SEC22B: variants seen among roughly 807,000 people sequenced by gnomAD.
The protein encoded by SEC22B is SEC22 homolog B, vesicle trafficking protein.
A neutral mutation model predicts 31.4 loss-of-function variants in SEC22B; 10 were observed. That is an observed-to-expected ratio of 0.32 (90% confidence interval 0.20 to 0.54). The LOEUF (loss-of-function observed/expected upper bound fraction) is 0.54, where lower values mean the gene tolerates loss of function less well. Ranked by LOEUF, SEC22B falls within the 20% of genes least tolerant of loss-of-function variation. The pLI, the probability that SEC22B is intolerant of heterozygous loss-of-function variation, is 0.94. For missense variants in SEC22B, 130 were observed against 263.4 expected (o/e 0.49, Z 3.50); for synonymous variants, 60 against 95.9 (o/e 0.63, Z 2.19).
intron 2 of SEC22B, 72 bp from the exon 3 acceptor site, chr1:120,163,442 C>T: frequency 9.7e-7 from 1 of 1,035,526 alleles, no homozygotes; most frequent in Non-Finnish European, 1.3e-6. Flanking sequence ...AAAGCAGAAT[C>T]TCTGTACCAT....
intron 1 of SEC22B, 28 bp downstream of exon 1, chr1:120,176,279 G>T: frequency 6.2e-7 from 1 of 1,600,834 alleles, no homozygotes; most frequent in South Asian, 1.1e-5. Context: ...AGAGACTTGG[G>T]GTCGCGGGTC....
chr1:120,160,027 G>A (rs1657687479), intron 4 of SEC22B, among the ~76,000 whole-genome samples: 1 of 143,940 alleles, frequency 6.9e-6, no homozygotes, highest in African/African-American at 2.8e-5. Context: ...TGATCTGGCA[G>A]CAGTAAAGTC....
intron 3 of SEC22B, among the ~76,000 whole-genome samples, chr1:120,162,017 G>T (rs1657726737): frequency 7.1e-6 from 1 of 140,602 alleles, no homozygotes; most frequent in Admixed American, 6.8e-5. Context: ...GTGATGTCCG[G>T]GTATTTATTC....
chr1:120,161,105 T>A (rs1317509948), intron 3 of SEC22B, among the ~76,000 whole-genome samples: 11 of 152,136 alleles, frequency 7.2e-5, no homozygotes, highest in Non-Finnish European at 1.3e-4. Context: ...GCTATCAGAA[T>A]CCTTAGAGAA....
At chr1:120,170,865 C>G (rs1213850393) in intron 1 of SEC22B, among the ~76,000 whole-genome samples, 1 of 142,730 alleles carries the variant, frequency 7.0e-6, no homozygotes, top group Non-Finnish European at 1.5e-5. Flanking sequence ...TGGTACTTAC[C>G]AATCTTTTTG....
At position 120,150,929 on chromosome 1, in the gene SEC22B, A is replaced by G. The variant is rs1553228613; in HGVS notation, c.*6109T>C. 6.6e-6 allele frequency: 1 copy of G among 152,228 alleles called. No individual in the cohort carries two copies. Among genetic ancestry groups the G allele is most frequent in the Non-Finnish European group, 1.5e-5 (1 of 68,050 alleles). The allele number at this position is 152,228 out of a possible 1,614,324, so 9.4% of individuals were successfully genotyped here. ...ACAAAAAGCGCAAAATAGAAGAGGC[A>G]GCATTGTTTTATAACAACTCACTCT... is the stretch of plus-strand genomic sequence containing the variant. On this transcript the variant is annotated 3_prime_UTR_variant, in exon 5 of 5. Transcript: ENST00000578049.
At chr1:120,168,652 A>ACAGG (rs1321209588) in intron 2 of SEC22B, among the ~76,000 whole-genome samples, 188 bp downstream of exon 2, 1 of 150,564 alleles carries the variant, frequency 6.6e-6, no homozygotes, top group African/African-American at 2.5e-5. Flanking sequence ...AACAGGTTAA[A>ACAGG]TTACTGTAAG....
chr1:120,161,942 T>G lies in SEC22B; in HGVS notation c.346+1268A>C, dbSNP rs1657725258. ...TGAAGCGCCTCAAGACTCCTTGCTC[T>G]GTGCCAGTTAGGTTCAGGCAATGAA... On this transcript the variant is annotated intron_variant, in intron 3 of 4. Coordinates refer to ENST00000578049, the MANE Select transcript of SEC22B (RefSeq NM_004892.6). Among the ~76,000 whole-genome samples, 3 of 131,538 alleles carry G rather than the reference T, an allele frequency of 2.3e-5. 1 individual carries two copies. Among genetic ancestry groups the G allele is most frequent in the African/African-American group, 1.2e-4 (3 of 24,272 alleles). 86.3% of individuals were successfully genotyped at this position (131,538 alleles called of 152,430 possible). A position where few individuals can be genotyped will look rare whatever the true frequency, so the allele number is the denominator to read the frequency against.
At chr1:120,167,643 A>G (rs1382143857) in intron 2 of SEC22B, among the ~76,000 whole-genome samples, 1 of 151,912 alleles carries the variant, frequency 6.6e-6, no homozygotes, top group Admixed American at 6.6e-5. Flanking sequence ...TTGTTTGAGT[A>G]TATGTCTCTC....
In SEC22B at chr1:120,176,448, C is replaced by A. The variant is rs1243543846; in HGVS notation, c.-67G>T. Reference sequence around the variant, plus strand: ...TTGGCGCCGTCCTCACTTCCTCCGCCGCGACAACAGTTATACCCTATGTCT... The same window carrying A: ...TTGGCGCCGTCCTCACTTCCTCCGCAGCGACAACAGTTATACCCTATGTCT... On this transcript the variant is annotated 5_prime_UTR_variant, in exon 1 of 5. Transcript: ENST00000578049. 1.4e-6 allele frequency: 2 copies of A among 1,408,324 alleles called. No individual in the cohort carries two copies. Among genetic ancestry groups the A allele is most frequent in the African/African-American group, 1.4e-5 (1 of 70,870 alleles). The allele number at this position is 1,408,324 out of a possible 1,614,324, so 87.2% of individuals were successfully genotyped here. A position where few individuals can be genotyped will look rare whatever the true frequency, so the allele number is the denominator to read the frequency against.
At chr1:120,171,845 C>T (rs1267951541) in intron 1 of SEC22B, among the ~76,000 whole-genome samples, 29,724 of 139,120 alleles carry the variant, frequency 0.21, 6,115 homozygotes, top group African/African-American at 0.56. Flanking sequence ...GAACTTTCTA[C>T]AATATGCACA....
Position 120,152,751 on chromosome 1 carries a change from A to G in SEC22B, c.*4287T>C, listed in dbSNP as rs1657565238. On this transcript the variant is annotated 3_prime_UTR_variant, in exon 5 of 5. Coordinates refer to ENST00000578049, the MANE Select transcript of SEC22B (RefSeq NM_004892.6). ...TGCAAAAAATAACTTTTGAAAATAA[A>G]CATACTAATAACTTGACAATAAAGT... The G allele has an allele frequency of 4.4e-5, 6 of 135,540 alleles. No individual in the cohort carries two copies. In the South Asian group the frequency reaches 1.1e-3, roughly 26 times the overall value. 8.4% of individuals were successfully genotyped at this position (135,540 alleles called of 1,614,324 possible). A position where few individuals can be genotyped will look rare whatever the true frequency, so the allele number is the denominator to read the frequency against.
rs1169348618 is a variant in SEC22B at position 120,153,402 on chromosome 1, GAT to G, written c.*3634_*3635del. 1 of 151,362 alleles carries G rather than the reference GAT, an allele frequency of 6.6e-6. No individual in the cohort carries two copies. Among genetic ancestry groups the G allele is most frequent in the Non-Finnish European group, 1.5e-5 (1 of 67,892 alleles). The allele number at this position is 151,362 out of a possible 1,614,324, so 9.4% of individuals were successfully genotyped here. On this transcript the variant is annotated 3_prime_UTR_variant, in exon 5 of 5. Coordinates refer to ENST00000578049, the MANE Select transcript of SEC22B (RefSeq NM_004892.6). ...AATAAGGTGGAAATTTAAAATATGA[GAT>G]ATTTTATTATACATGTTTTATTAAA...
Position 120,176,427 on chromosome 1 carries a change from C to A in SEC22B, c.-46G>T. 1.3e-6 allele frequency: 2 copies of A among 1,560,400 alleles called. No homozygotes were observed. The highest frequency in any genetic ancestry group is 1.8e-6 in the Non-Finnish European group (2 of 1,134,516). On this transcript the variant is annotated 5_prime_UTR_variant, in exon 1 of 5. Coordinates refer to ENST00000578049, the MANE Select transcript of SEC22B (RefSeq NM_004892.6). Reference sequence around the variant, plus strand: ...CAACACTGGCCCGGAAGGCCCTTGGCGCCGTCCTCACTTCCTCCGCCGCGA... The same window carrying A: ...CAACACTGGCCCGGAAGGCCCTTGGAGCCGTCCTCACTTCCTCCGCCGCGA...
intron 1 of SEC22B, among the ~76,000 whole-genome samples, chr1:120,169,205 C>T (rs1657857004): frequency 6.6e-6 from 1 of 152,252 alleles, no homozygotes; most frequent in African/African-American, 2.4e-5. Flanking sequence ...TCTTAACTTT[C>T]AATCCAGTGT....
chr1:120,152,488 G>C lies in SEC22B; in HGVS notation c.*4550C>G, dbSNP rs1267536011. 6.7e-6 allele frequency: 1 copy of C among 150,282 alleles called. No individual in the cohort carries two copies. Among genetic ancestry groups the C allele is most frequent in the Non-Finnish European group, 1.5e-5 (1 of 67,840 alleles). The allele number at this position is 150,282 out of a possible 1,614,324, so 9.3% of individuals were successfully genotyped here. A position where few individuals can be genotyped will look rare whatever the true frequency, so the allele number is the denominator to read the frequency against. On this transcript the variant is annotated 3_prime_UTR_variant, in exon 5 of 5. Coordinates refer to ENST00000578049, the MANE Select transcript of SEC22B (RefSeq NM_004892.6). The stretch of plus-strand genomic sequence containing the variant: ...GGCAAGGAGAAGAGAATGGACAAAA[G>C]GAGATAGGAAAAACAGGAATTTTTT...
intron 1 of SEC22B, among the ~76,000 whole-genome samples, chr1:120,170,394 G>C (rs1465871665): frequency 4.3e-4 from 61 of 142,182 alleles, no homozygotes; most frequent in Non-Finnish European, 8.1e-4. Flanking sequence ...CTGCTAAGCT[G>C]ATAATAAAAA....
intron 2 of SEC22B, among the ~76,000 whole-genome samples, chr1:120,166,828 T>C (rs1270094911): frequency 7.2e-4 from 104 of 144,536 alleles, no homozygotes; most frequent in Non-Finnish European, 1.4e-3. Context: ...TTTGAGGTGA[T>C]GAATATGCTA....
chr1:120,157,912 T>C, intron 4 of SEC22B: 1 of 146,722 alleles, frequency 6.8e-6, no homozygotes, highest in Middle Eastern at 3.4e-3. Flanking sequence ...TTAAGCTTTT[T>C]AGTATTTTCT....
Sources: gnomAD v4.1 joint callset for allele counts (sites outside exome capture counted in the v4.1 genomes callset) on GRCh38, gnomAD v4.1.1 for gene constraint, MANE v1.5 for transcripts, NCBI Gene and HGNC (gene_info 2026-07-23, HGNC 2026-07-21) for gene names.